RGL3: variants seen among roughly 807,000 people sequenced by gnomAD.
RGL3 encodes the protein ral guanine nucleotide dissociation stimulator-like 3.
RGL3 carries 85 observed loss-of-function variants against 90.6 expected under a neutral mutation model. The ratio of observed to expected loss-of-function variants is 0.94; its 90% CI spans 0.79 to 1.12. The LOEUF (loss-of-function observed/expected upper bound fraction) is 1.12, where lower values mean the gene tolerates loss of function less well. RGL3 is among the 50% of genes most tolerant of loss of function. The probability of loss-of-function intolerance (pLI) is 0.00; values close to 1 mark genes in which losing one functional copy is unlikely to be tolerated. For synonymous variants in RGL3, 408 were observed against 385.5 expected (o/e 1.06, Z -0.68); for missense variants, 1,034 against 939.2 (o/e 1.10, Z -1.32).
intron 13 of RGL3, among the ~76,000 whole-genome samples, chr19:11,401,434 T>C (rs530114649): frequency 6.6e-5 from 10 of 151,176 alleles, no homozygotes; most frequent in South Asian, 2.1e-4. Context: ...CTCGCTCTGT[T>C]GCCCAGGCTG....
At chr19:11,397,021 C>T (rs1968585649) in intron 18 of RGL3, among the ~76,000 whole-genome samples, 1 of 152,022 alleles carries the variant, frequency 6.6e-6, no homozygotes, top group African/African-American at 2.4e-5. Flanking sequence ...ACCTTTGGTA[C>T]CTCTCTCTCA....
chr19:11,417,781 T>A (rs370777056), intron 2 of RGL3, among the ~76,000 whole-genome samples: 13 of 152,154 alleles, frequency 8.5e-5, no homozygotes, highest in South Asian at 4.1e-4. Flanking sequence ...GTAGCACCAT[T>A]CTTTCATGTG....
intron 5 of RGL3, among the ~76,000 whole-genome samples, chr19:11,414,492 T>A (rs1308935615): frequency 1.5e-4 from 2 of 13,588 alleles, no homozygotes; most frequent in Non-Finnish European, 2.6e-4. Context: ...TACACCTTCA[T>A]ATATATATAT....
intron 7 of RGL3, among the ~76,000 whole-genome samples, chr19:11,406,098 C>T (rs892457153): frequency 1.3e-5 from 2 of 151,954 alleles, no homozygotes; most frequent in African/African-American, 4.8e-5. Flanking sequence ...AAGACTCCCA[C>T]TTATTCCCTA....
At chr19:11,405,102 C>T (rs370329172) in intron 9 of RGL3, 45 bp downstream of exon 9, 68 of 1,555,650 alleles carry the variant, frequency 4.4e-5, no homozygotes, top group Non-Finnish European at 5.1e-5. Flanking sequence ...GTCCCTCCCC[C>T]GACTTCCCGG....
intron 16 of RGL3, among the ~76,000 whole-genome samples, chr19:11,399,561 G>A (rs1046798321): frequency 6.6e-6 from 1 of 152,032 alleles, no homozygotes; most frequent in Admixed American, 6.6e-5. Context: ...AGAGCAAGAA[G>A]ACCCTGTTTC....
At position 11,396,545 on chromosome 19, in the gene RGL3, A is replaced by G. The variant is rs143160150; in HGVS notation, c.2014+699T>C. Among the ~76,000 whole-genome samples, 350 of 151,672 alleles carry G rather than the reference A, an allele frequency of 2.3e-3. 3 individuals are homozygous for G. Among genetic ancestry groups the G allele is most frequent in the African/African-American group, 8.1e-3 (335 of 41,344 alleles). On this transcript the variant is annotated intron_variant, in intron 18 of 18. Transcript: ENST00000380456. ...GGTCTCAAACTCCTGAGCTCAGACA[A>G]TCCACCCACCTTGACCTCCCAAAGT...
chr19:11,396,085 C>T (rs1396047722), intron 18 of RGL3, among the ~76,000 whole-genome samples: 1 of 135,024 alleles, frequency 7.4e-6, no homozygotes, highest in Non-Finnish European at 1.6e-5. Flanking sequence ...AGGCACATGC[C>T]ACCATGCTCA....
At chr19:11,407,604 G>A (rs1431094596) in intron 5 of RGL3, among the ~76,000 whole-genome samples, 1 of 151,872 alleles carries the variant, frequency 6.6e-6, no homozygotes, top group Non-Finnish European at 1.5e-5. Flanking sequence ...GTTCAGGGAA[G>A]GCTATTGTCA....
intron 16 of RGL3, among the ~76,000 whole-genome samples, chr19:11,398,538 G>A (rs929801046): frequency 1.3e-5 from 2 of 151,972 alleles, no homozygotes; most frequent in Non-Finnish European, 2.9e-5. Flanking sequence ...TAGAGACGGG[G>A]TTTCACCATG....
rs1008276192 is a variant in RGL3 at position 11,418,846 on chromosome 19, T to C, written c.34-62A>G. The C allele has an allele frequency of 7.3e-6, 10 of 1,362,142 alleles. No homozygotes were observed. In the African/African-American group the frequency reaches 1.3e-4, roughly 18 times the overall value. The allele number at this position is 1,362,142 out of a possible 1,614,324, so 84.4% of individuals were successfully genotyped here. A position where few individuals can be genotyped will look rare whatever the true frequency, so the allele number is the denominator to read the frequency against. On this transcript the variant is annotated intron_variant, in intron 1 of 18. Transcript: ENST00000380456. ...ACAGGTCCTGGGGCCTCAGCCTCCT[T>C]GGCCGCTCGGACTCGGGCCGAGTCC... is the stretch of plus-strand genomic sequence containing the variant.
chr19:11,398,280 C>T (rs1373556227), intron 16 of RGL3, among the ~76,000 whole-genome samples: 1 of 152,128 alleles, frequency 6.6e-6, no homozygotes, highest in Non-Finnish European at 1.5e-5. Flanking sequence ...AATGAACAAC[C>T]CCACACATGA....
intron 5 of RGL3, among the ~76,000 whole-genome samples, chr19:11,408,384 C>T (rs1008376425): frequency 6.6e-6 from 1 of 151,984 alleles, no homozygotes; most frequent in African/African-American, 2.4e-5. Context: ...GAGTTCGAGA[C>T]CAGCGTGGCC....
In RGL3 at chr19:11,416,927, G is replaced by A; in HGVS notation, c.280C>T (p.Pro94Ser). Residue 94 changes from proline to serine, a missense_variant, in exon 3 of 19, where the codon CCC becomes TCC. Physicochemically the swap from Pro to Ser is moderately conservative, Grantham distance 74. Transcript: ENST00000380456. ...GTCCGGTAGGTGGCCAGGAAGGCGG[G>A]CATGAAGCTGGGGTCCTGCTCACGG... ...GDREQDPSFM[P>S]AFLATYRTFV... The A allele has an allele frequency of 6.2e-7, 1 of 1,614,114 alleles. No homozygotes were observed. The highest frequency in any genetic ancestry group is 8.5e-7 in the Non-Finnish European group (1 of 1,180,028).
chr19:11,404,390 G>C (rs569400104), intron 9 of RGL3, among the ~76,000 whole-genome samples: 1 of 152,196 alleles, frequency 6.6e-6, no homozygotes, highest in Non-Finnish European at 1.5e-5. Flanking sequence ...GCCAAGCGTC[G>C]TGGTGGGTGC....
At chr19:11,405,896 T>A (rs1189772829) in intron 7 of RGL3, among the ~76,000 whole-genome samples, 1 of 110,064 alleles carries the variant, frequency 9.1e-6, no homozygotes, top group Non-Finnish European at 1.6e-5. Flanking sequence ...ATTTTTTTAA[T>A]TTTTTTTTTT....
intron 5 of RGL3, among the ~76,000 whole-genome samples, chr19:11,410,124 AT>A (rs957493212): frequency 4.5e-4 from 67 of 148,354 alleles, no homozygotes; most frequent in African/African-American, 1.4e-3. Flanking sequence ...ATATATATAT[AT>A]TTTTTTATTA....
rs763547728 is a variant in RGL3 at position 11,397,247 on chromosome 19, G to A, written c.2011C>T (p.Arg671Trp). 1.6e-5 allele frequency: 26 copies of A among 1,613,294 alleles called. No homozygotes were observed. Among genetic ancestry groups the A allele is most frequent in the East Asian group, 8.9e-5 (4 of 44,880 alleles). ...YQLFQVLPGDRVLLIPDNANV... is the reference protein window; with the variant it reads ...YQLFQVLPGDWVLLIPDNANV... ...GCTCCAACCCATCCCTGCTCACCCC[G>A]GTCCCCAGGAAGGACTTGAAAGAGC... The change falls in exon 18 of 19, where the codon CGG (arginine) becomes TGG (tryptophan). Residue 671 changes from arginine (R) to tryptophan (W), a missense_variant. Physicochemically the swap from Arg to Trp is moderately radical, Grantham distance 101. Transcript: ENST00000380456.
intron 5 of RGL3, among the ~76,000 whole-genome samples, chr19:11,410,145 TTTTTATTTTA>T (rs950757370): frequency 2.0e-5 from 3 of 149,718 alleles, no homozygotes; most frequent in Non-Finnish European, 3.0e-5. Flanking sequence ...ATTTATTTAT[TTTTTATTTTA>T]TTTTATTTTA....
Sources: gnomAD v4.1 joint callset for allele counts (sites outside exome capture counted in the v4.1 genomes callset) on GRCh38, gnomAD v4.1.1 for gene constraint, MANE v1.5 for transcripts, NCBI Gene and HGNC (gene_info 2026-07-23, HGNC 2026-07-21) for gene names.